SLC44A5: variants seen among roughly 807,000 people sequenced by gnomAD.
SLC44A5 encodes the protein solute carrier family 44 member 5.
SLC44A5 carries 57 observed loss-of-function variants against 101.8 expected under a neutral mutation model. The ratio of observed to expected loss-of-function variants is 0.56; its 90% CI spans 0.45 to 0.70. The LOEUF (loss-of-function observed/expected upper bound fraction) is 0.70. Among genes scored for constraint, SLC44A5 ranks in the 30% least tolerant of loss-of-function variants. The pLI, the probability that SLC44A5 is intolerant of heterozygous loss-of-function variation, is 0.00. For synonymous variants in SLC44A5, 281 were observed against 290.9 expected (o/e 0.97, Z 0.35); for missense variants, 737 against 853.1 (o/e 0.86, Z 1.70).
At chr1:75,679,121 C>T in the SLC44A5 span, among the ~76,000 whole-genome samples, 1 of 151,978 alleles carries the variant, frequency 6.6e-6, no homozygotes, top group Non-Finnish European at 1.5e-5. Context: ...GTGAAAAGAC[C>T]AAATCTACAT....
chr1:75,469,342 T>C (rs1206551217), intron 2 of SLC44A5, among the ~76,000 whole-genome samples: 1 of 152,130 alleles, frequency 6.6e-6, no homozygotes, highest in Non-Finnish European at 1.5e-5. Context: ...AAAAGAATGT[T>C]GAAAATACTT....
chr1:75,694,943 T>G, the SLC44A5 span, among the ~76,000 whole-genome samples: 1 of 152,274 alleles, frequency 6.6e-6, no homozygotes, highest in South Asian at 2.1e-4. Context: ...GGCATACAAG[T>G]GGAGCAAAAC....
intron 4 of SLC44A5, among the ~76,000 whole-genome samples, chr1:75,327,978 G>A (rs1237315187): frequency 6.6e-6 from 1 of 152,086 alleles, no homozygotes; most frequent in Non-Finnish European, 1.5e-5. Context: ...ATCCCATAAT[G>A]CGATGCTGCT....
At chr1:75,666,772 C>G in the SLC44A5 span, among the ~76,000 whole-genome samples, 4 of 152,168 alleles carry the variant, frequency 2.6e-5, no homozygotes, top group African/African-American at 9.7e-5. Flanking sequence ...GCATGCAAGG[C>G]TGGTTCAACA....
chr1:75,669,061 T>A, the SLC44A5 span, among the ~76,000 whole-genome samples: 1 of 151,542 alleles, frequency 6.6e-6, no homozygotes, highest in African/African-American at 2.4e-5. Context: ...TAGAAAGGTA[T>A]CTGGTCTTGA....
chr1:75,580,362 G>T (rs143556911), intron 1 of SLC44A5, among the ~76,000 whole-genome samples: 1 of 152,310 alleles, frequency 6.6e-6, no homozygotes, highest in Non-Finnish European at 1.5e-5. Flanking sequence ...GCTCTAAAAT[G>T]TGTGGTTTGA....
chr1:75,273,515 G>A (rs1217182935), intron 6 of SLC44A5, among the ~76,000 whole-genome samples: 1 of 152,122 alleles, frequency 6.6e-6, no homozygotes, highest in Admixed American at 6.6e-5. Context: ...CTGTGGGTTT[G>A]TTACAGATGC....
At chr1:75,563,679 A>C (rs1454454790) in intron 1 of SLC44A5, among the ~76,000 whole-genome samples, 1 of 152,170 alleles carries the variant, frequency 6.6e-6, no homozygotes, top group African/African-American at 2.4e-5. Flanking sequence ...AGACAAGCCA[A>C]GACCGTGGTC....
chr1:75,686,663 G>T, the SLC44A5 span, among the ~76,000 whole-genome samples: 1 of 152,222 alleles, frequency 6.6e-6, no homozygotes, highest in African/African-American at 2.4e-5. Flanking sequence ...CAGCAGAAAA[G>T]TGAAATGTAT....
In SLC44A5 at chr1:75,324,621, A is replaced by C. The variant is rs1471915514; in HGVS notation, c.101+14961T>G. ...AGGTAGGTTCAAGAAGTGTATGTAC[A>C]AACACATTTATGGGCAATTGCTCCA... is the stretch of plus-strand genomic sequence containing the variant. On this transcript the variant is annotated intron_variant, in intron 4 of 23. Transcript: ENST00000370859. Among the ~76,000 whole-genome samples, 8 of 152,322 alleles carry C rather than the reference A, an allele frequency of 5.3e-5. No homozygotes were observed. The East Asian group carries it at 1.5e-3, about 29-fold the overall frequency.
chr1:75,693,178 G>A, the SLC44A5 span, among the ~76,000 whole-genome samples: 1 of 152,160 alleles, frequency 6.6e-6, no homozygotes, highest in Non-Finnish European at 1.5e-5. Context: ...TCAAATGGAG[G>A]CTGGACAGTT....
chr1:75,452,689 T>C (rs1462939455), intron 2 of SLC44A5, among the ~76,000 whole-genome samples: 11 of 152,146 alleles, frequency 7.2e-5, no homozygotes. Context: ...AGGCTCTAAG[T>C]AAAGGGTTGG....
At chr1:75,547,111 G>C (rs1671691407) in intron 1 of SLC44A5, among the ~76,000 whole-genome samples, 1 of 152,140 alleles carries the variant, frequency 6.6e-6, no homozygotes, top group African/African-American at 2.4e-5. Flanking sequence ...CTCATTTTAA[G>C]AGTTAACTCA....
At chr1:75,407,213 C>A (rs1297924805) in intron 2 of SLC44A5, among the ~76,000 whole-genome samples, 1 of 152,086 alleles carries the variant, frequency 6.6e-6, no homozygotes, top group East Asian at 1.9e-4. Flanking sequence ...CAAGAGAGGA[C>A]ACAAACAAAT....
chr1:75,290,976 A>G (rs1653493106), intron 5 of SLC44A5, among the ~76,000 whole-genome samples: 1 of 152,254 alleles, frequency 6.6e-6, no homozygotes, highest in African/African-American at 2.4e-5. Flanking sequence ...AGTAGGATGT[A>G]AAAGATGGGA....
At chr1:75,324,285 A>G (rs1656404093) in intron 4 of SLC44A5, among the ~76,000 whole-genome samples, 1 of 152,232 alleles carries the variant, frequency 6.6e-6, no homozygotes, top group Admixed American at 6.6e-5. Context: ...AGCAAAGTGA[A>G]GAAAAATGCT....
At chr1:75,232,563 G>A (rs1647677310) in intron 12 of SLC44A5, among the ~76,000 whole-genome samples, 1 of 152,114 alleles carries the variant, frequency 6.6e-6, no homozygotes, top group Admixed American at 6.6e-5. Flanking sequence ...TGGGATGCAA[G>A]AGGAGCCGTA....
chr1:75,515,297 TTACTC>T (rs1210635387), intron 2 of SLC44A5, among the ~76,000 whole-genome samples: 10 of 152,302 alleles, frequency 6.6e-5, no homozygotes, highest in Admixed American at 1.3e-4. Flanking sequence ...CATTTGAACT[TTACTC>T]TTAGCAATTT....
At chr1:75,403,902 G>A (rs558844008) in intron 2 of SLC44A5, among the ~76,000 whole-genome samples, 14 of 152,100 alleles carry the variant, frequency 9.2e-5, no homozygotes, top group East Asian at 3.9e-4. Flanking sequence ...AAACTCCTCC[G>A]AGCTAAAGCA....
Sources: gnomAD v4.1 joint callset for allele counts (sites outside exome capture counted in the v4.1 genomes callset) on GRCh38, gnomAD v4.1.1 for gene constraint, MANE v1.5 for transcripts, NCBI Gene and HGNC (gene_info 2026-07-23, HGNC 2026-07-21) for gene names.